The following ANO4 variants were observed in gnomAD, a reference collection of about 807,000 sequenced individuals.
The protein encoded by ANO4 is anoctamin 4, also known as anoctamin-4.
Under a neutral mutation model 141.9 loss-of-function variants are expected in ANO4, and 69 were observed. The observed-to-expected ratio is 0.49, with a 90% CI of 0.40 to 0.59. The LOEUF (loss-of-function observed/expected upper bound fraction) is 0.59, where lower values mean the gene tolerates loss of function less well. Among genes scored for constraint, ANO4 ranks in the 20% least tolerant of loss-of-function variants. The pLI is 0.00. For missense variants in ANO4, 894 were observed against 1,162.2 expected (o/e 0.77, Z 3.36); for synonymous variants, 350 against 394.3 (o/e 0.89, Z 1.33).
chr12:100,792,118 G>C (rs1044993753), upstream of ANO4, among the ~76,000 whole-genome samples: 12 of 151,678 alleles, frequency 7.9e-5, no homozygotes, highest in African/African-American at 2.9e-4. Flanking sequence ...TTCTCCTTAG[G>C]CTAGTTACAG....
intron 2 of ANO4, among the ~76,000 whole-genome samples, chr12:100,918,223 G>A (rs1200170691): frequency 1.3e-5 from 2 of 152,172 alleles, no homozygotes; most frequent in East Asian, 1.9e-4. Flanking sequence ...GGCTACTTGA[G>A]AGGTGAGGTG....
intron 1 of ANO4, among the ~76,000 whole-genome samples, chr12:100,870,594 C>A (rs1291736336): frequency 6.6e-6 from 1 of 151,920 alleles, no homozygotes; most frequent in Non-Finnish European, 1.5e-5. Flanking sequence ...TTATTTTAAT[C>A]CCTTATCCTG....
intron 8 of ANO4, among the ~76,000 whole-genome samples, chr12:101,009,926 A>G (rs2046016287): frequency 6.6e-6 from 1 of 152,018 alleles, no homozygotes; most frequent in South Asian, 2.1e-4. Flanking sequence ...TTGCTCTGGG[A>G]GAATTCTTCA....
At chr12:100,761,076 C>G (rs2032838598) in intron 3 of ANO4, among the ~76,000 whole-genome samples, 1 of 152,148 alleles carries the variant, frequency 6.6e-6, no homozygotes, top group African/African-American at 2.4e-5. Flanking sequence ...ACGGCAAAGC[C>G]TATCTTTGTG....
intron 8 of ANO4, among the ~76,000 whole-genome samples, chr12:101,004,293 AG>A (rs2045780954): frequency 6.6e-6 from 1 of 152,056 alleles, no homozygotes; most frequent in Non-Finnish European, 1.5e-5. Flanking sequence ...ATGCTCAGAG[AG>A]GCCCTGTGGA....
intron 2 of ANO4, among the ~76,000 whole-genome samples, chr12:100,914,737 C>G (rs1015135350): frequency 2.6e-5 from 4 of 152,154 alleles, no homozygotes; most frequent in Admixed American, 6.5e-5. Context: ...TTTCCTTTCT[C>G]TCTTCTTCAG....
chr12:100,773,251 C>A (rs1306975591), intron 3 of ANO4, among the ~76,000 whole-genome samples: 2 of 152,102 alleles, frequency 1.3e-5, no homozygotes, highest in Non-Finnish European at 2.9e-5. Flanking sequence ...AAGGCTGAGC[C>A]CCATCTCCAA....
intron 1 of ANO4, among the ~76,000 whole-genome samples, chr12:100,808,655 TC>T (rs2035210607): frequency 6.6e-6 from 1 of 152,218 alleles, no homozygotes; most frequent in African/African-American, 2.4e-5. Context: ...ATTTGTTTAG[TC>T]TTCACATATT....
intron 3 of ANO4, among the ~76,000 whole-genome samples, chr12:100,925,812 T>TATACATAC (rs10622896): frequency 2.7e-5 from 4 of 147,880 alleles, no homozygotes; most frequent in Admixed American, 6.8e-5. Context: ...TATACATACA[T>TATACATAC]ATACATACAT....
At chr12:100,836,579 T>C (rs1215687690) in intron 1 of ANO4, among the ~76,000 whole-genome samples, 1 of 143,378 alleles carries the variant, frequency 7.0e-6, no homozygotes, top group Non-Finnish European at 1.5e-5. Context: ...AGCCACAAAC[T>C]ATCATATAGT....
chr12:100,913,664 A>G (rs1044851961), intron 2 of ANO4, among the ~76,000 whole-genome samples: 3 of 152,210 alleles, frequency 2.0e-5, no homozygotes, highest in Admixed American at 2.0e-4. Flanking sequence ...TCCGCTGAAG[A>G]TAGGGCGGGA....
chr12:101,118,931 T>C (rs1201416435), intron 25 of ANO4, among the ~76,000 whole-genome samples: 1 of 142,216 alleles, frequency 7.0e-6, no homozygotes, highest in African/African-American at 2.6e-5. Context: ...AGTGTTCTCA[T>C]TGTTCAGTTC....
intron 1 of ANO4, among the ~76,000 whole-genome samples, chr12:100,855,469 T>A (rs2038115831): frequency 6.6e-6 from 1 of 152,152 alleles, no homozygotes; most frequent in Non-Finnish European, 1.5e-5. Flanking sequence ...TAATTTTGTG[T>A]TATAACTCTC....
At chr12:101,017,790 G>A (rs1275105493) in intron 8 of ANO4, among the ~76,000 whole-genome samples, 2 of 152,162 alleles carry the variant, frequency 1.3e-5, no homozygotes, top group East Asian at 3.9e-4. Flanking sequence ...TCCCTTATGG[G>A]TTGAAATAGG....
intron 3 of ANO4, among the ~76,000 whole-genome samples, chr12:100,753,503 A>C (rs2135504549): frequency 6.6e-6 from 1 of 152,274 alleles, no homozygotes. Flanking sequence ...TCCAACCTGA[A>C]GTTGCCTATA....
chr12:100,945,731 G>A (rs563827089), intron 5 of ANO4, among the ~76,000 whole-genome samples: 5 of 152,220 alleles, frequency 3.3e-5, no homozygotes, highest in Non-Finnish European at 5.9e-5. Flanking sequence ...GCACCCTCCC[G>A]CTTCAGAATC....
intron 7 of ANO4, among the ~76,000 whole-genome samples, chr12:100,976,541 A>G (rs938264733): frequency 6.6e-6 from 1 of 152,232 alleles, no homozygotes; most frequent in African/African-American, 2.4e-5. Context: ...CAGCATCAGA[A>G]TCACCTTGTT....
chr12:100,911,087 A>C (rs763449122), intron 2 of ANO4, among the ~76,000 whole-genome samples: 22 of 152,280 alleles, frequency 1.4e-4, no homozygotes, highest in Middle Eastern at 3.4e-3. Context: ...GATAATAATA[A>C]AATTATAGCT....
intron 1 of ANO4, among the ~76,000 whole-genome samples, chr12:100,876,647 G>A (rs1391232365): frequency 1.3e-5 from 2 of 152,178 alleles, no homozygotes; most frequent in Non-Finnish European, 2.9e-5. Context: ...TGTAAGAATA[G>A]TCATGTGATT....
Sources: gnomAD v4.1 joint callset for allele counts (sites outside exome capture counted in the v4.1 genomes callset) on GRCh38, gnomAD v4.1.1 for gene constraint, MANE v1.5 for transcripts, NCBI Gene and HGNC (gene_info 2026-07-23, HGNC 2026-07-21) for gene names.